The following TMEM164 variants were observed in gnomAD, a reference collection of about 807,000 sequenced individuals.
The protein encoded by TMEM164 is transmembrane protein 164, also known as RP13-360B22.2.
TMEM164 carries 4 observed loss-of-function variants against 18.8 expected under a neutral mutation model. That is an observed-to-expected ratio of 0.21 (90% CI 0.10 to 0.49). The LOEUF (loss-of-function observed/expected upper bound fraction) is 0.49, where lower values mean the gene tolerates loss of function less well. Ranked by LOEUF, TMEM164 falls within the 20% of genes least tolerant of loss-of-function variation. The pLI, the probability that TMEM164 is intolerant of heterozygous loss-of-function variation, is 0.98. For synonymous variants in TMEM164, 86 were observed against 101.7 expected (o/e 0.85, Z 0.93); for missense variants, 108 against 239.9 (o/e 0.45, Z 3.63).
At chrX:110,014,387 G>C (rs866997479) in intron 2 of TMEM164, among the ~76,000 whole-genome samples, 1 of 111,894 alleles carries the variant, frequency 8.9e-6, no homozygotes, top group Non-Finnish European at 1.9e-5. Flanking sequence ...CTGCGGGACA[G>C]GGTTGTTTGG....
chrX:110,051,444 G>A (rs750333936), intron 2 of TMEM164, among the ~76,000 whole-genome samples: 8 of 110,954 alleles, frequency 7.2e-5, no homozygotes, highest in Non-Finnish European at 1.3e-4. Context: ...TGAGCCAGGT[G>A]AAGGAAATAG....
Position 110,149,053 on chromosome X carries a change from G to C in TMEM164, c.586+4177G>C, listed in dbSNP as rs1320305314. On this transcript the variant is annotated intron_variant, in intron 5 of 6. Transcript: ENST00000372068. ...TCCACGTAACCATGTGTGTTATTAT[G>C]TATGTAATACATGTCCTTAAATCTA... 1.6e-4 allele frequency among the ~76,000 whole-genome samples: 17 copies of C among 103,552 alleles called. No homozygotes were observed. In the Admixed American group the frequency reaches 1.8e-3, roughly 11 times the overall value. The allele number at this position is 103,552 out of a possible 115,157, so 89.9% of individuals were successfully genotyped here. A position where few individuals can be genotyped will look rare whatever the true frequency, so the allele number is the denominator to read the frequency against.
At chrX:110,024,313 C>G (rs1441752941) in intron 2 of TMEM164, among the ~76,000 whole-genome samples, 1 of 111,313 alleles carries the variant, frequency 9.0e-6, no homozygotes, top group African/African-American at 3.3e-5. Flanking sequence ...GAGACAGGGT[C>G]TTGTTCTATC....
intron 4 of TMEM164, among the ~76,000 whole-genome samples, chrX:110,141,193 G>A (rs1222619743): frequency 9.0e-6 from 1 of 111,689 alleles, no homozygotes; most frequent in Admixed American, 9.5e-5. Flanking sequence ...ATTATTGATT[G>A]CCCTTTCCCC....
At chrX:110,158,175 C>G (rs1251383988) in intron 5 of TMEM164, among the ~76,000 whole-genome samples, 1 of 112,001 alleles carries the variant, frequency 8.9e-6, no homozygotes, top group Non-Finnish European at 1.9e-5. Context: ...GTGAGAGCAA[C>G]TTTGCCTGAC....
chrX:110,076,080 G>T (rs1333102694), intron 3 of TMEM164, among the ~76,000 whole-genome samples: 1 of 103,517 alleles, frequency 9.7e-6, no homozygotes, highest in Non-Finnish European at 2.0e-5. Context: ...ATAGAATTTA[G>T]CTCTGAATCT....
rs2067282583 is a variant in TMEM164 at position 110,175,791 on chromosome X, A to G, written c.*2340A>G. 1 of 755,158 alleles carries G rather than the reference A, an allele frequency of 1.3e-6. No homozygotes were observed. The highest frequency in any genetic ancestry group is 1.6e-6 in the Non-Finnish European group (1 of 639,662). The allele number at this position is 755,158 out of a possible 1,213,427, so 62.2% of individuals were successfully genotyped here. A position where few individuals can be genotyped will look rare whatever the true frequency, so the allele number is the denominator to read the frequency against. ...AGGAGCCATGGCCTGTATTTGGGGC[A>G]TTGGGGAGCATAAGGCATCTGAACT... On this transcript the variant is annotated 3_prime_UTR_variant, in exon 7 of 7. Coordinates refer to ENST00000372068, the MANE Select transcript of TMEM164 (RefSeq NM_032227.4).
In TMEM164 at chrX:110,171,439, C is replaced by A; in HGVS notation, c.606C>A (p.Pro202=). 1 of 1,209,550 alleles carries A rather than the reference C, an allele frequency of 8.3e-7. No individual in the cohort carries two copies. Among genetic ancestry groups the A allele is most frequent in the Non-Finnish European group, 1.1e-6 (1 of 893,965 alleles). The change falls in exon 6 of 7, where the codon CCC becomes CCA. Residue 202 remains proline, a synonymous_variant. Transcript: ENST00000372068. ...LWKGGAYTPE[P]LSSFRWALLS... ...CTCCAGGTGCTTACACTCCAGAGCC[C>A]CTCAGCAGTTTCCGGTGGGCTCTTC...
intron 2 of TMEM164, among the ~76,000 whole-genome samples, chrX:110,025,813 G>A (rs1934159362): frequency 9.0e-6 from 1 of 111,687 alleles, no homozygotes; most frequent in East Asian, 2.8e-4. Flanking sequence ...TTACACCCAC[G>A]ACCCTCATTC....
intron 2 of TMEM164, among the ~76,000 whole-genome samples, chrX:110,063,794 C>T (rs1936213692): frequency 9.0e-6 from 1 of 111,178 alleles, no homozygotes; most frequent in Non-Finnish European, 1.9e-5. Context: ...AATTTGCTGT[C>T]CAGTTGAGTT....
intron 6 of TMEM164, among the ~76,000 whole-genome samples, chrX:110,172,123 G>A (rs757743355): frequency 2.7e-5 from 3 of 111,963 alleles, no homozygotes; most frequent in Non-Finnish European, 5.6e-5. Context: ...CTGGGGCTGG[G>A]GGTCAGGAGA....
chrX:110,039,480 C>T (rs749381057), intron 2 of TMEM164, among the ~76,000 whole-genome samples: 7 of 112,491 alleles, frequency 6.2e-5, no homozygotes, highest in African/African-American at 2.3e-4. Context: ...CAATTGCCAC[C>T]CTGTTGGAGA....
intron 5 of TMEM164, among the ~76,000 whole-genome samples, chrX:110,151,583 C>G (rs1197004763): frequency 1.8e-5 from 2 of 111,375 alleles, no homozygotes; most frequent in Non-Finnish European, 3.8e-5. Context: ...GAGTTCGAGA[C>G]CAGCCTGGCC....
chrX:110,168,809 T>C (rs2067192252), intron 5 of TMEM164, among the ~76,000 whole-genome samples: 1 of 112,840 alleles, frequency 8.9e-6, no homozygotes. Flanking sequence ...CAGTTACCAC[T>C]GTGTGCTGAT....
chrX:110,055,567 T>C (rs777384827), intron 2 of TMEM164: 1 of 137,419 alleles, frequency 7.3e-6, no homozygotes, highest in Non-Finnish European at 1.6e-5. Context: ...AGTAAAGTTG[T>C]GGCTTTGGGA....
chrX:110,014,744 C>CTTTTTTTTTTTTTTTTTTTTTTAT (rs1933221988), intron 2 of TMEM164, among the ~76,000 whole-genome samples: 1 of 54,239 alleles, frequency 1.8e-5, no homozygotes. Flanking sequence ...TTGGTTGTTT[C>CTTTTTTTTTTTTTTTTTTTTTTAT]TTTTTTTTTT....
intron 3 of TMEM164, among the ~76,000 whole-genome samples, chrX:110,102,923 T>G (rs1293541570): frequency 8.9e-6 from 1 of 112,307 alleles, no homozygotes; most frequent in African/African-American, 3.2e-5. Flanking sequence ...GTGTCCTACT[T>G]ATACTTATCT....
rs1463737157 is a variant in TMEM164 at position 110,143,155 on chromosome X, T to C, written c.508-1643T>C. Among the ~76,000 whole-genome samples the C allele has an allele frequency of 2.7e-5, 3 of 112,414 alleles. No individual in the cohort carries two copies. The Admixed American group carries it at 2.8e-4, about 11-fold the overall frequency. ...TTTCCTTCCTTCCCTATTTTCCAGGTGACCTCAGTGAAGTTAATAACCCTT... is the reference window on the plus strand; with the variant it reads ...TTTCCTTCCTTCCCTATTTTCCAGGCGACCTCAGTGAAGTTAATAACCCTT... On this transcript the variant is annotated intron_variant, in intron 4 of 6. Coordinates refer to ENST00000372068, the MANE Select transcript of TMEM164 (RefSeq NM_032227.4).
chrX:110,014,539 C>G lies in TMEM164; in HGVS notation c.390+10375C>G, dbSNP rs755641806. 1.6e-3 allele frequency among the ~76,000 whole-genome samples: 176 copies of G among 110,712 alleles called. 1 individual carries two copies. The highest frequency in any genetic ancestry group is 0.01 in the South Asian group (27 of 2,588). ...GATTTAAAGAATTTAGAAGGTGGCTCTCATTGTTAGGAAGCTTAGCTTTCC... is the reference window on the plus strand; with the variant it reads ...GATTTAAAGAATTTAGAAGGTGGCTGTCATTGTTAGGAAGCTTAGCTTTCC... On this transcript the variant is annotated intron_variant, in intron 2 of 6. Transcript: ENST00000372068.
Sources: gnomAD v4.1 joint callset for allele counts (sites outside exome capture counted in the v4.1 genomes callset) on GRCh38, gnomAD v4.1.1 for gene constraint, MANE v1.5 for transcripts, NCBI Gene and HGNC (gene_info 2026-07-23, HGNC 2026-07-21) for gene names.